SORCS3: variants seen among roughly 807,000 people sequenced by gnomAD.
SORCS3 encodes sortilin related VPS10 domain containing receptor 3.
SORCS3 carries 57 observed loss-of-function variants against 146.3 expected under a neutral mutation model. The ratio of observed to expected loss-of-function variants is 0.39; its 90% CI spans 0.31 to 0.49. SORCS3 has a LOEUF of 0.49. Ranked by LOEUF, SORCS3 falls within the 20% of genes least tolerant of loss-of-function variation. The probability of loss-of-function intolerance (pLI) is 0.92; values close to 1 mark genes in which losing one functional copy is unlikely to be tolerated. For missense variants in SORCS3, 1,341 were observed against 1,575.5 expected, an observed-to-expected ratio of 0.85 and a Z score of 2.52; for synonymous variants, 653 against 618.5, an observed-to-expected ratio of 1.06 and a Z score of -0.83.
At chr10:104,659,890 G>A (rs1441609063) in intron 1 of SORCS3, among the ~76,000 whole-genome samples, 1 of 152,178 alleles carries the variant, frequency 6.6e-6, no homozygotes. Flanking sequence ...TATTTTTTAA[G>A]AGGAGAGGAA....
chr10:104,668,703 C>G (rs965864234), intron 1 of SORCS3, among the ~76,000 whole-genome samples: 3 of 152,146 alleles, frequency 2.0e-5, no homozygotes, highest in Non-Finnish European at 4.4e-5. Flanking sequence ...CAGAATAAAA[C>G]TTGAACTATA....
At chr10:105,014,584 G>A (rs2055154675) in intron 4 of SORCS3, among the ~76,000 whole-genome samples, 1 of 152,096 alleles carries the variant, frequency 6.6e-6, no homozygotes, top group African/African-American at 2.4e-5. Flanking sequence ...AAGTTTATAA[G>A]CAAAAGATAG....
chr10:104,954,790 T>C (rs1273315055), intron 3 of SORCS3, among the ~76,000 whole-genome samples: 2 of 152,186 alleles, frequency 1.3e-5, no homozygotes, highest in Admixed American at 6.5e-5. Flanking sequence ...TTGACTGTTA[T>C]TATTATTTTC....
At chr10:105,255,361 T>C (rs1426488676) in intron 23 of SORCS3, among the ~76,000 whole-genome samples, 1 of 152,022 alleles carries the variant, frequency 6.6e-6, no homozygotes, top group African/African-American at 2.4e-5. Context: ...TTAGGAGATA[T>C]ACCTAATGTT....
intron 4 of SORCS3, among the ~76,000 whole-genome samples, chr10:104,982,742 G>A (rs1275264792): frequency 6.6e-6 from 1 of 152,158 alleles, no homozygotes; most frequent in Non-Finnish European, 1.5e-5. Flanking sequence ...AACACCAGGA[G>A]GTAGAGCAAC....
intron 22 of SORCS3, among the ~76,000 whole-genome samples, chr10:105,247,746 A>C (rs2056875664): frequency 8.0e-5 from 1 of 12,546 alleles, no homozygotes; most frequent in Admixed American, 1.6e-3. Flanking sequence ...AGATTCTGTC[A>C]AAAAGAAGAA....
intron 3 of SORCS3, among the ~76,000 whole-genome samples, chr10:104,919,786 T>C (rs115417565): frequency 0.012 from 1,792 of 152,310 alleles, 34 homozygotes; most frequent in African/African-American, 0.04. Flanking sequence ...TTCATTTTCA[T>C]TTTACTAAGT....
intron 3 of SORCS3, among the ~76,000 whole-genome samples, chr10:104,932,754 G>C (rs1487815985): frequency 1.3e-5 from 2 of 152,192 alleles, no homozygotes; most frequent in Non-Finnish European, 2.9e-5. Context: ...GTGCAGTAGA[G>C]CGATCATAGC....
At chr10:104,953,311 G>A (rs1278879563) in intron 3 of SORCS3, among the ~76,000 whole-genome samples, 1 of 152,186 alleles carries the variant, frequency 6.6e-6, no homozygotes, top group Non-Finnish European at 1.5e-5. Flanking sequence ...CCCTTGATGG[G>A]GGGCTACCAG....
At chr10:104,691,778 C>G (rs1045162513) in intron 1 of SORCS3, among the ~76,000 whole-genome samples, 1 of 151,942 alleles carries the variant, frequency 6.6e-6, no homozygotes, top group African/African-American at 2.4e-5. Flanking sequence ...TCTTGCTCTG[C>G]CACCCAGGCT....
At chr10:105,123,264 T>TGTATGACACC (rs1347653494) in intron 7 of SORCS3, among the ~76,000 whole-genome samples, 1 of 152,240 alleles carries the variant, frequency 6.6e-6, no homozygotes, top group African/African-American at 2.4e-5. Context: ...AGCAGCGGAC[T>TGTATGACACC]GTATGACACC....
chr10:105,144,311 G>T (rs2056115511), intron 8 of SORCS3, among the ~76,000 whole-genome samples: 1 of 152,116 alleles, frequency 6.6e-6, no homozygotes, highest in Non-Finnish European at 1.5e-5. Context: ...ATTTGAGAAA[G>T]GCCACTAGAG....
chr10:104,761,879 A>G (rs1042287127), intron 1 of SORCS3, among the ~76,000 whole-genome samples: 5 of 152,216 alleles, frequency 3.3e-5, no homozygotes, highest in African/African-American at 7.2e-5. Context: ...TGCAGTTGCA[A>G]CATTGCCTGC....
intron 1 of SORCS3, among the ~76,000 whole-genome samples, chr10:104,782,248 G>A (rs115512858): frequency 0.044 from 6,683 of 152,200 alleles, 459 homozygotes; most frequent in African/African-American, 0.15. Flanking sequence ...AGTTGTTGAC[G>A]TGGCTTAGGA....
chr10:104,645,999 A>G (rs772444820), intron 1 of SORCS3, among the ~76,000 whole-genome samples: 7 of 152,204 alleles, frequency 4.6e-5, no homozygotes, highest in African/African-American at 7.2e-5. Context: ...CACAGAAGCC[A>G]TTCTTCAGGG....
At chr10:104,882,211 G>T (rs1306719510) in intron 2 of SORCS3, among the ~76,000 whole-genome samples, 1 of 152,154 alleles carries the variant, frequency 6.6e-6, no homozygotes, top group Admixed American at 6.5e-5. Flanking sequence ...CCTCTGCTTT[G>T]TTCTTAATCC....
intron 1 of SORCS3, among the ~76,000 whole-genome samples, chr10:104,824,396 A>G (rs561542234): frequency 1.1e-3 from 162 of 152,312 alleles, no homozygotes; most frequent in African/African-American, 3.8e-3. Flanking sequence ...CCCTTCTTGC[A>G]CTGAAAGTGC....
chr10:104,837,863 A>G (rs757286288), intron 1 of SORCS3, among the ~76,000 whole-genome samples: 31 of 152,158 alleles, frequency 2.0e-4, no homozygotes, highest in Non-Finnish European at 3.7e-4. Flanking sequence ...AAGCCCACAT[A>G]AACACTTACT....
chr10:105,139,342 C>A, intron 7 of SORCS3, 55 bp from the exon 8 acceptor site: 1 of 1,325,722 alleles, frequency 7.5e-7, no homozygotes, highest in Non-Finnish European at 1.1e-6. Context: ...TACTTTCCAA[C>A]TTGTGCATGA....
Sources: allele counts gnomAD v4.1 joint callset (sites outside exome capture counted in the v4.1 genomes callset), GRCh38; gene constraint gnomAD v4.1.1; transcripts MANE v1.5; gene names NCBI Gene and HGNC (gene_info 2026-07-23, HGNC 2026-07-21).